SLC9A9: variants seen among roughly 807,000 people sequenced by gnomAD.
SLC9A9 encodes solute carrier family 9 member A9.
Under a neutral mutation model 77.8 loss-of-function variants are expected in SLC9A9, and 62 were observed. That is an observed-to-expected ratio of 0.80 (90% CI 0.65 to 0.98). SLC9A9 has a LOEUF of 0.98. Ranked by LOEUF, SLC9A9 falls within the 50% of genes least tolerant of loss-of-function variation. The pLI, the probability that SLC9A9 is intolerant of heterozygous loss-of-function variation, is 0.00. For synonymous variants in SLC9A9, 320 were observed against 283.5 expected (o/e 1.13, Z -1.29); for missense variants, 775 against 774.9 (o/e 1.00, Z 0.00).
At chr3:143,540,154 C>T (rs982559294) in intron 9 of SLC9A9, among the ~76,000 whole-genome samples, 1 of 151,650 alleles carries the variant, frequency 6.6e-6, no homozygotes, top group African/African-American at 2.4e-5. Flanking sequence ...TAGAGATAGT[C>T]TTGGGAGGTG....
chr3:143,467,006 A>C (rs1197132890), intron 12 of SLC9A9, 31 bp downstream of exon 12: 2 of 1,608,882 alleles, frequency 1.2e-6, no homozygotes, highest in Non-Finnish European at 1.7e-6. Flanking sequence ...ATGCCTCATA[A>C]TGATTTCCTT....
At chr3:143,594,556 G>A (rs902844860) in intron 6 of SLC9A9, among the ~76,000 whole-genome samples, 3 of 152,132 alleles carry the variant, frequency 2.0e-5, no homozygotes, top group Non-Finnish European at 4.4e-5. Context: ...CTGGTTCCAA[G>A]CTCTTCTGCA....
At chr3:143,685,735 T>C (rs1203918295) in intron 5 of SLC9A9, among the ~76,000 whole-genome samples, 1 of 152,176 alleles carries the variant, frequency 6.6e-6, no homozygotes, top group Non-Finnish European at 1.5e-5. Flanking sequence ...CTTGATGCAA[T>C]GTGCTGAGTT....
At chr3:143,667,013 T>C (rs1352589176) in intron 5 of SLC9A9, among the ~76,000 whole-genome samples, 16 of 152,252 alleles carry the variant, frequency 1.1e-4, no homozygotes, top group African/African-American at 3.4e-4. Flanking sequence ...AAAAAGAGCC[T>C]GCATTGCCAA....
At chr3:143,619,190 G>A (rs2038155967) in intron 6 of SLC9A9, among the ~76,000 whole-genome samples, 2 of 152,142 alleles carry the variant, frequency 1.3e-5, no homozygotes, top group South Asian at 2.1e-4. Flanking sequence ...AAATCAAGGA[G>A]GTTAAAAAGA....
intron 4 of SLC9A9, among the ~76,000 whole-genome samples, chr3:143,760,266 T>C (rs1276891812): frequency 6.6e-6 from 1 of 152,136 alleles, no homozygotes; most frequent in Non-Finnish European, 1.5e-5. Context: ...ACTGGAAGCA[T>C]TCCCTTTGAA....
At chr3:143,435,154 T>G (rs1448883945) in intron 12 of SLC9A9, among the ~76,000 whole-genome samples, 1 of 151,908 alleles carries the variant, frequency 6.6e-6, no homozygotes, top group Non-Finnish European at 1.5e-5. Context: ...TAAAATATTA[T>G]CTAATATTTT....
intron 5 of SLC9A9, among the ~76,000 whole-genome samples, chr3:143,660,456 T>G (rs904445300): frequency 2.0e-5 from 3 of 152,172 alleles, no homozygotes; most frequent in African/African-American, 7.2e-5. Context: ...GAAACTGCAT[T>G]CTGTCAACAA....
At chr3:143,495,211 C>A in intron 10 of SLC9A9, 124 bp downstream of exon 10, 1 of 772,462 alleles carries the variant, frequency 1.3e-6, no homozygotes, top group Non-Finnish European at 2.2e-6. Context: ...CACGTATCTG[C>A]CTTGTGTCTG....
rs1491314668 is a variant in SLC9A9, at chr3:143,755,824, CAT to C, written c.533+39175_533+39176del. On this transcript the variant is annotated intron_variant, in intron 4 of 15. Coordinates refer to ENST00000316549, the MANE Select transcript of SLC9A9 (RefSeq NM_173653.4). ...ATTCTATTATAGATATGTACAAATG[CAT>C]GTGTGTGTGTGTGTGTCTGTGTGTG... 4.0e-5 allele frequency among the ~76,000 whole-genome samples: 6 copies of C among 151,678 alleles called. No individual in the cohort carries two copies. The South Asian group carries it at 1.2e-3, about 32-fold the overall frequency.
chr3:143,351,072 G>T (rs1559878783), intron 14 of SLC9A9, among the ~76,000 whole-genome samples: 1 of 152,114 alleles, frequency 6.6e-6, no homozygotes, highest in Admixed American at 6.5e-5. Context: ...TTTTATACCA[G>T]CAATGATCAA....
chr3:143,345,379 T>C (rs975383632), intron 14 of SLC9A9, among the ~76,000 whole-genome samples: 10 of 151,882 alleles, frequency 6.6e-5, no homozygotes, highest in African/African-American at 2.4e-4. Context: ...TTAGGGGAGA[T>C]AAGGGGAAGA....
chr3:143,842,735 C>T (rs997467855), intron 1 of SLC9A9, among the ~76,000 whole-genome samples: 3 of 152,228 alleles, frequency 2.0e-5, no homozygotes, highest in African/African-American at 7.2e-5. Flanking sequence ...ACAGAATTTA[C>T]TGAGCACTCC....
intron 14 of SLC9A9, among the ~76,000 whole-genome samples, chr3:143,280,542 ATTTTT>A (rs58879877): frequency 1.4e-3 from 162 of 118,146 alleles, no homozygotes; most frequent in Non-Finnish European, 2.5e-3. Context: ...CTAGAACTAC[ATTTTT>A]TTTTTTTTTT....
At chr3:143,461,413 G>A (rs901657408) in intron 12 of SLC9A9, among the ~76,000 whole-genome samples, 4 of 152,084 alleles carry the variant, frequency 2.6e-5, no homozygotes, top group African/African-American at 7.2e-5. Flanking sequence ...GTGTATGTGC[G>A]TCAGGGGGAC....
intron 9 of SLC9A9, among the ~76,000 whole-genome samples, chr3:143,510,275 A>G (rs2036094330): frequency 6.6e-6 from 1 of 152,226 alleles, no homozygotes; most frequent in Admixed American, 6.5e-5. Context: ...TAGAAATACT[A>G]GAAATTCTGG....
intron 2 of SLC9A9, among the ~76,000 whole-genome samples, chr3:143,800,864 T>C (rs1576736228): frequency 6.6e-6 from 1 of 152,160 alleles, no homozygotes; most frequent in Non-Finnish European, 1.5e-5. Flanking sequence ...AAATTTCTTC[T>C]CCATCCGTTA....
chr3:143,625,406 C>T (rs532548536), intron 6 of SLC9A9, among the ~76,000 whole-genome samples: 2,076 of 152,182 alleles, frequency 0.014, 42 homozygotes, highest in African/African-American at 0.047. Context: ...GGTACTGGTA[C>T]CAAAACAGAG....
chr3:143,304,410 C>A (rs946213982), intron 14 of SLC9A9, among the ~76,000 whole-genome samples: 1 of 152,176 alleles, frequency 6.6e-6, no homozygotes, highest in Admixed American at 6.5e-5. Context: ...GGGATGTATT[C>A]CCCTGTTAAG....
Sources: allele counts gnomAD v4.1 joint callset (sites outside exome capture counted in the v4.1 genomes callset), GRCh38; gene constraint gnomAD v4.1.1; transcripts MANE v1.5; gene names NCBI Gene and HGNC (gene_info 2026-07-23, HGNC 2026-07-21).